The following MAST4 variants were observed in gnomAD, a reference collection of about 807,000 sequenced individuals.
The protein encoded by MAST4 is microtubule associated serine/threonine kinase family member 4.
A neutral mutation model predicts 162.7 loss-of-function variants in MAST4; 89 were observed. The observed-to-expected ratio is 0.55, with a 90% confidence interval of 0.46 to 0.65. MAST4 has a LOEUF of 0.65. Ranked by LOEUF, MAST4 falls within the 30% of genes least tolerant of loss-of-function variation. MAST4 has a pLI of 0.00. For synonymous variants in MAST4, 1,479 were observed against 1,361.1 expected, an observed-to-expected ratio of 1.09 and a Z score of -1.91; for missense variants, 3,153 against 3,374.0, an observed-to-expected ratio of 0.93 and a Z score of 1.62.
intron 1 of MAST4, among the ~76,000 whole-genome samples, chr5:66,601,612 A>G (rs889469729): frequency 2.6e-5 from 4 of 152,130 alleles, no homozygotes; most frequent in African/African-American, 9.7e-5. Flanking sequence ...GACAGGTGTG[A>G]TCCAGGTAGC....
intron 2 of MAST4, among the ~76,000 whole-genome samples, chr5:66,775,770 T>C (rs1053801690): frequency 1.3e-5 from 2 of 152,144 alleles, no homozygotes; most frequent in African/African-American, 2.4e-5. Flanking sequence ...AATTGAGATC[T>C]GTCACTTCAG....
In MAST4 at chr5:66,906,573, A is replaced by G. The variant is rs888421271; in HGVS notation, c.674+6591A>G. Among the ~76,000 whole-genome samples the G allele has an allele frequency of 3.9e-5, 6 of 152,180 alleles. No individual in the cohort carries two copies. In the South Asian group the frequency reaches 1.2e-3, roughly 32 times the overall value. ...TCTACCACATGTCAAACATTCCAGT[A>G]TTAGAAATTCATTCTGCTGGATCTT... On this transcript the variant is annotated intron_variant, in intron 4 of 28. Transcript: ENST00000403625.
chr5:66,992,923 A>G (rs969908937), intron 4 of MAST4, among the ~76,000 whole-genome samples: 1 of 152,176 alleles, frequency 6.6e-6, no homozygotes, highest in African/African-American at 2.4e-5. Context: ...TTTCTCTGCT[A>G]TGGCTGTGTG....
At chr5:66,634,274 G>A (rs759927256) in intron 1 of MAST4, among the ~76,000 whole-genome samples, 2 of 152,146 alleles carry the variant, frequency 1.3e-5, no homozygotes, top group East Asian at 1.9e-4. Context: ...TGTCAGGCTG[G>A]TCTTGAACTC....
intron 1 of MAST4, among the ~76,000 whole-genome samples, chr5:66,708,749 CA>C (rs1487944068): frequency 6.6e-6 from 1 of 152,104 alleles, no homozygotes; most frequent in Non-Finnish European, 1.5e-5. Context: ...TCATTTAAAA[CA>C]ACAAAAGTAC....
intron 3 of MAST4, among the ~76,000 whole-genome samples, chr5:66,842,721 GTCTATAC>G (rs1241915369): frequency 6.6e-6 from 1 of 152,140 alleles, no homozygotes; most frequent in East Asian, 1.9e-4. Flanking sequence ...CGAGATGAGA[GTCTATAC>G]ATTTGACCTA....
chr5:67,083,866 G>A (rs967684546), intron 5 of MAST4, among the ~76,000 whole-genome samples: 12 of 152,182 alleles, frequency 7.9e-5, no homozygotes, highest in African/African-American at 2.9e-4. Context: ...GTGAATTACT[G>A]TAGATGGGAG....
rs375581688 is a variant in MAST4, at chr5:67,131,888, C to T, written c.2030C>T (p.Thr677Met). 53 of 1,613,110 alleles carry T rather than the reference C, an allele frequency of 3.3e-5. No homozygotes were observed. Among genetic ancestry groups the T allele is most frequent in the East Asian group, 4.5e-5 (2 of 44,864 alleles). ...ATGGCCAGAATGTACTTTGCTGAGACGGTCTTGGCCTTGGAATATTTACAT... is the reference window on the plus strand; with the variant it reads ...ATGGCCAGAATGTACTTTGCTGAGATGGTCTTGGCCTTGGAATATTTACAT... ...VDMARMYFAE[T>M]VLALEYLHNY... Residue 677 changes from threonine to methionine, a missense_variant, in exon 16 of 29, where the codon ACG (threonine) becomes ATG (methionine). Around this residue, in one of 7 missense-constraint regions of MAST4, gnomAD observed 131 missense variants for 253.8 expected, o/e 0.52. Transcript: ENST00000403625.
chr5:66,731,104 T>C (rs1275642109), intron 1 of MAST4, among the ~76,000 whole-genome samples: 1 of 152,234 alleles, frequency 6.6e-6, no homozygotes, highest in East Asian at 1.9e-4. Context: ...AGTTTTTGTT[T>C]ATGAAAAAAC....
At chr5:66,655,645 C>T (rs1043374533) in intron 1 of MAST4, among the ~76,000 whole-genome samples, 3 of 152,154 alleles carry the variant, frequency 2.0e-5, no homozygotes, top group Admixed American at 1.3e-4. Flanking sequence ...CGGCTCTTTG[C>T]TACAAAGAAA....
intron 4 of MAST4, among the ~76,000 whole-genome samples, chr5:66,910,729 G>T (rs889704711): frequency 9.8e-5 from 11 of 112,818 alleles, no homozygotes; most frequent in East Asian, 4.8e-4. Flanking sequence ...TACACATGTG[G>T]TTTTTTTTTT....
rs977571796 is a variant in MAST4, at chr5:67,168,281, T to C, written c.*1230T>C. ...TCCTGGGTTTCACATTCATTTCTGC[T>C]GCATCTAGTAGCTCCACACATTTCA... On this transcript the variant is annotated 3_prime_UTR_variant, in exon 29 of 29. Transcript: ENST00000403625. 3.3e-5 allele frequency: 5 copies of C among 152,110 alleles called. No homozygotes were observed. Among genetic ancestry groups the C allele is most frequent in the African/African-American group, 9.7e-5 (4 of 41,402 alleles). 9.4% of individuals were successfully genotyped at this position (152,110 alleles called of 1,614,324 possible).
At chr5:66,809,134 C>T (rs1561346209) in intron 3 of MAST4, among the ~76,000 whole-genome samples, 1 of 152,202 alleles carries the variant, frequency 6.6e-6, no homozygotes, top group Admixed American at 6.5e-5. Flanking sequence ...ATGCCTTTCT[C>T]TACATAGTTT....
At chr5:67,144,392 T>C (rs976618566) in intron 21 of MAST4, among the ~76,000 whole-genome samples, 1 of 152,014 alleles carries the variant, frequency 6.6e-6, no homozygotes, top group African/African-American at 2.4e-5. Flanking sequence ...TGTTTGCAGA[T>C]ACAAAGTCCG....
Position 66,741,786 on chromosome 5 carries a change from A to G in MAST4, c.364-17923A>G, listed in dbSNP as rs562718318. Among the ~76,000 whole-genome samples, 10 of 152,344 alleles carry G rather than the reference A, an allele frequency of 6.6e-5. No individual in the cohort carries two copies. In the South Asian group the frequency reaches 2.1e-3, roughly 32 times the overall value. On this transcript the variant is annotated intron_variant, in intron 1 of 28. Coordinates refer to ENST00000403625, the MANE Select transcript of MAST4 (RefSeq NM_001164664.2). ...GGCAGCTGTAATGATACTCATGGTC[A>G]GGGGATCGGTGTGCTTCACCAGCCA...
chr5:66,698,899 C>G (rs902348545), intron 1 of MAST4, among the ~76,000 whole-genome samples: 1 of 152,212 alleles, frequency 6.6e-6, no homozygotes, highest in South Asian at 2.1e-4. Context: ...GGGACACCCC[C>G]GTTCTCACTT....
chr5:67,157,014 A>G (rs1182020530), intron 26 of MAST4, among the ~76,000 whole-genome samples: 1 of 152,270 alleles, frequency 6.6e-6, no homozygotes, highest in Non-Finnish European at 1.5e-5. Context: ...ACAGTCTGCC[A>G]GCTGCATTTT....
intron 3 of MAST4, among the ~76,000 whole-genome samples, chr5:66,892,323 T>C (rs1762411871): frequency 6.6e-6 from 1 of 152,174 alleles, no homozygotes; most frequent in African/African-American, 2.4e-5. Flanking sequence ...CTCCCTTTTG[T>C]ATTACTGCAT....
At chr5:66,699,889 G>A (rs906645373) in intron 1 of MAST4, among the ~76,000 whole-genome samples, 1 of 151,760 alleles carries the variant, frequency 6.6e-6, no homozygotes, top group Non-Finnish European at 1.5e-5. Flanking sequence ...TAACAAACGT[G>A]CATATTCTGC....
Sources: gnomAD v4.1 joint callset for allele counts (sites outside exome capture counted in the v4.1 genomes callset) on GRCh38, gnomAD v4.1.1 for gene constraint, gnomAD v4.1.1 regional missense constraint, MANE v1.5 for transcripts, NCBI Gene and HGNC (gene_info 2026-07-23, HGNC 2026-07-21) for gene names.